Variants in COL5A1 observed in about 807,000 individuals in gnomAD.
The protein encoded by COL5A1 is collagen type V alpha 1 chain, also known as collagen alpha-1(V) chain.
In COL5A1, 16 loss-of-function variants were observed where a neutral mutation model predicts 263.7. That is an observed-to-expected ratio of 0.06 (90% confidence interval 0.04 to 0.09). The LOEUF is 0.09. Ranked by LOEUF, COL5A1 falls within the 10% of genes least tolerant of loss-of-function variation. The probability of loss-of-function intolerance (pLI) is 1.00; values close to 1 mark genes in which losing one functional copy is unlikely to be tolerated. For missense variants in COL5A1, 2,036 were observed against 2,540.5 expected, an observed-to-expected ratio of 0.80 and a Z score of 4.27; for synonymous variants, 1,012 against 1,004.5, an observed-to-expected ratio of 1.01 and a Z score of -0.14.
At chr9:134,709,411 A>G (rs894324261) in intron 4 of COL5A1, among the ~76,000 whole-genome samples, 24 of 152,174 alleles carry the variant, frequency 1.6e-4, no homozygotes, top group Non-Finnish European at 2.4e-4. Flanking sequence ...GCCAGTGTGC[A>G]GTGTGGCATT....
At chr9:134,761,467 G>T (rs1209821920) in intron 18 of COL5A1, among the ~76,000 whole-genome samples, 1 of 152,248 alleles carries the variant, frequency 6.6e-6, no homozygotes, top group African/African-American at 2.4e-5. Flanking sequence ...CAGCCATGAA[G>T]GCTGTCCCTG....
chr9:134,747,783 A>G (rs1417910357), intron 11 of COL5A1, among the ~76,000 whole-genome samples: 1 of 152,144 alleles, frequency 6.6e-6, no homozygotes, highest in South Asian at 2.1e-4. Context: ...ACACATGCAC[A>G]CATGCATTCA....
intron 63 of COL5A1, among the ~76,000 whole-genome samples, chr9:134,827,643 G>A (rs552574869): frequency 7.2e-5 from 11 of 152,224 alleles, no homozygotes; most frequent in Admixed American, 1.3e-4. Flanking sequence ...GCACAGCAGC[G>A]TGGGGCTGCT....
chr9:134,706,038 G>A (rs996081982), intron 4 of COL5A1, among the ~76,000 whole-genome samples: 6 of 152,224 alleles, frequency 3.9e-5, no homozygotes, highest in Admixed American at 1.3e-4. Context: ...CTCCTCCCCT[G>A]GCAGAGTGCC....
At chr9:134,820,344 T>G (rs1838944726) in intron 58 of COL5A1, 121 bp downstream of exon 58, 150 of 759,910 alleles carry the variant, frequency 2.0e-4, no homozygotes, top group Non-Finnish European at 3.0e-4. Flanking sequence ...GTCGGTTGAG[T>G]CCGGTCATCC....
chr9:134,772,874 G>A lies in COL5A1; in HGVS notation c.2331+40G>A, dbSNP rs531400305. On this transcript the variant is annotated intron_variant, in intron 26 of 65. Transcript: ENST00000371817. ...CGCCCTCCTACCCTTCAGCATCCAG[G>A]TGGGGCGGGTCCAGGTGCTCTGGGC... 2.5e-6 allele frequency: 4 copies of A among 1,606,528 alleles called. No homozygotes were observed. The African/African-American group carries it at 4.0e-5, about 16-fold the overall frequency.
chr9:134,644,593 G>T (rs1297679483), intron 1 of COL5A1, among the ~76,000 whole-genome samples: 1 of 151,980 alleles, frequency 6.6e-6, no homozygotes, highest in Non-Finnish European at 1.5e-5. Flanking sequence ...CAGGCGCGGG[G>T]GGGAGCCACC....
At chr9:134,646,585 T>C (rs943469060) in intron 1 of COL5A1, among the ~76,000 whole-genome samples, 1 of 152,184 alleles carries the variant, frequency 6.6e-6, no homozygotes, top group African/African-American at 2.4e-5. Flanking sequence ...CAAGTGCCCC[T>C]AAGGGAAGTG....
intron 27 of COL5A1, among the ~76,000 whole-genome samples, chr9:134,775,610 G>A (rs546302859): frequency 6.6e-6 from 1 of 152,174 alleles, no homozygotes; most frequent in African/African-American, 2.4e-5. Flanking sequence ...CTCTGGACAC[G>A]GCACGTTCTG....
intron 25 of COL5A1, 135 bp from the exon 26 acceptor site, chr9:134,772,655 T>C: frequency 9.9e-7 from 1 of 1,014,038 alleles, no homozygotes; most frequent in Non-Finnish European, 1.6e-6. Context: ...TGCCTTCGAC[T>C]TCTGGTGCTC....
At chr9:134,813,250 G>A (rs1308281631) in intron 48 of COL5A1, among the ~76,000 whole-genome samples, 1 of 152,062 alleles carries the variant, frequency 6.6e-6, no homozygotes, top group Non-Finnish European at 1.5e-5. Context: ...GTGCATGTGT[G>A]TGTGCCTGCA....
intron 18 of COL5A1, among the ~76,000 whole-genome samples, chr9:134,759,959 ACT>A (rs1413308340): frequency 3.8e-5 from 4 of 105,224 alleles, no homozygotes; most frequent in Admixed American, 1.1e-4. Flanking sequence ...ACACCCCCAC[ACT>A]CATGCACACA....
chr9:134,726,144 A>C (rs186538543), intron 4 of COL5A1, among the ~76,000 whole-genome samples: 2 of 152,218 alleles, frequency 1.3e-5, no homozygotes, highest in Non-Finnish European at 2.9e-5. Flanking sequence ...CTCGGGGTCT[A>C]GGGCGGGTGA....
In COL5A1 at chr9:134,842,273, T is replaced by C; in HGVS notation, c.5487T>C (p.Phe1829=). Residue 1829 remains phenylalanine (F), a synonymous_variant, in exon 66 of 66, where the codon TTT becomes TTC. Coordinates refer to ENST00000371817, the MANE Select transcript of COL5A1 (RefSeq NM_000093.5). The surrounding 1 kb of genome is among the most constrained non-coding windows in gnomAD (Gnocchi z 5.8). ...DFGEASQKFG[F]EVGPACFMG is the part of the protein sequence containing the mutation. ...GTGAAGCGTCACAGAAATTTGGATT[T>C]GAAGTGGGGCCGGCTTGCTTCATGG... is the stretch of plus-strand genomic sequence containing the variant. The C allele has an allele frequency of 6.2e-7, 1 of 1,614,168 alleles. No homozygotes were observed. Among genetic ancestry groups the C allele is most frequent in the Non-Finnish European group, 8.5e-7 (1 of 1,180,020 alleles).
At chr9:134,643,349 G>C (rs576364961) in intron 1 of COL5A1, among the ~76,000 whole-genome samples, 8 of 152,294 alleles carry the variant, frequency 5.3e-5, no homozygotes, top group Non-Finnish European at 1.0e-4. Context: ...AGAAGTGGCG[G>C]GCAGAGCGAT....
rs184537473 is a variant in COL5A1, at chr9:134,679,163, G to C, written c.110-11749G>C. On this transcript the variant is annotated intron_variant, in intron 1 of 65. Transcript: ENST00000371817. ...TTCGCTCTCTGGGCCTCCTTGTCTTGTGTCTTGTGTGGAAAGAGCAGTCTC... is the reference window on the plus strand; with the variant it reads ...TTCGCTCTCTGGGCCTCCTTGTCTTCTGTCTTGTGTGGAAAGAGCAGTCTC... 2.0e-5 allele frequency among the ~76,000 whole-genome samples: 3 copies of C among 152,284 alleles called. No individual in the cohort carries two copies. The East Asian group carries it at 5.8e-4, about 30-fold the overall frequency.
intron 25 of COL5A1, among the ~76,000 whole-genome samples, chr9:134,769,451 T>C (rs1271405619): frequency 6.6e-6 from 1 of 152,378 alleles, no homozygotes; most frequent in African/African-American, 2.4e-5. Context: ...TTTACATTTA[T>C]ATTTCATTGC....
chr9:134,781,373 A>G (rs1837247436), intron 28 of COL5A1, among the ~76,000 whole-genome samples: 1 of 152,234 alleles, frequency 6.6e-6, no homozygotes, highest in Admixed American at 6.5e-5. Flanking sequence ...TGGCCTCTCC[A>G]AGAGCACTGC....
chr9:134,683,114 C>T (rs949750023), intron 1 of COL5A1, among the ~76,000 whole-genome samples: 1 of 152,210 alleles, frequency 6.6e-6, no homozygotes, highest in African/African-American at 2.4e-5. Flanking sequence ...GAGACGGTGA[C>T]AGCAGAGTGG....
Sources: gnomAD v4.1 joint callset for allele counts (sites outside exome capture counted in the v4.1 genomes callset) on GRCh38, gnomAD v4.1.1 for gene constraint, Gnocchi (gnomAD v3.1) non-coding constraint, MANE v1.5 for transcripts, NCBI Gene and HGNC (gene_info 2026-07-23, HGNC 2026-07-21) for gene names.